Variants in NBEA observed in about 807,000 individuals in gnomAD.
NBEA encodes neurobeachin, also known as lysosomal-trafficking regulator 2.
NBEA carries 44 observed loss-of-function variants against 343.4 expected under a neutral mutation model. That is an observed-to-expected ratio of 0.13 (90% CI 0.10 to 0.16). NBEA has a LOEUF of 0.16. NBEA is among the 10% of genes least tolerant of loss of function. The pLI, the probability that NBEA is intolerant of heterozygous loss-of-function variation, is 1.00. For missense variants in NBEA, 2,555 were observed against 3,631.3 expected, an observed-to-expected ratio of 0.70 and a Z score of 7.62; for synonymous variants, 1,175 against 1,238.7, an observed-to-expected ratio of 0.95 and a Z score of 1.08.
At chr13:35,149,402 T>G (rs931536982) in intron 18 of NBEA, among the ~76,000 whole-genome samples, 1 of 152,184 alleles carries the variant, frequency 6.6e-6, no homozygotes, top group African/African-American at 2.4e-5. Flanking sequence ...TTTTTTTGCT[T>G]GTGAAAACAG....
At chr13:35,106,895 G>A (rs2065945589) in intron 11 of NBEA, among the ~76,000 whole-genome samples, 1 of 151,508 alleles carries the variant, frequency 6.6e-6, no homozygotes, top group Non-Finnish European at 1.5e-5. Context: ...ATAATGGTCA[G>A]CCTGATTTTA....
intron 41 of NBEA, among the ~76,000 whole-genome samples, chr13:35,531,813 C>T (rs1205695862): frequency 6.6e-6 from 1 of 152,234 alleles, no homozygotes; most frequent in African/African-American, 2.4e-5. Flanking sequence ...CTTCCCTACT[C>T]CAGACTGTCA....
Position 34,995,277 on chromosome 13 carries a change from AC to A in NBEA, c.295-45652del, listed in dbSNP as rs544560246. ...AGACCAGCCTGCCCAACATGGTGAAACCCCATCTGTATGAATAATACAAAAG... is the reference window on the plus strand; with the variant it reads ...AGACCAGCCTGCCCAACATGGTGAAACCCATCTGTATGAATAATACAAAAG... On this transcript the variant is annotated intron_variant, in intron 1 of 58. Transcript: ENST00000379939. Among the ~76,000 whole-genome samples the A allele has an allele frequency of 2.8e-4, 43 of 152,130 alleles. No individual in the cohort carries two copies. In the East Asian group the frequency reaches 7.9e-3, roughly 28 times the overall value.
At chr13:35,168,337 A>G (rs2070199786) in intron 24 of NBEA, among the ~76,000 whole-genome samples, 1 of 151,748 alleles carries the variant, frequency 6.6e-6, no homozygotes, top group East Asian at 1.9e-4. Context: ...TTAATGTAAT[A>G]AGAATCTTAA....
intron 35 of NBEA, among the ~76,000 whole-genome samples, chr13:35,301,230 G>A (rs562529491): frequency 2.0e-5 from 3 of 150,914 alleles, no homozygotes; most frequent in African/African-American, 4.9e-5. Context: ...ATGCAGGTTT[G>A]TTACATAGGT....
At chr13:35,371,605 A>T (rs553827352) in intron 38 of NBEA, among the ~76,000 whole-genome samples, 2 of 152,014 alleles carry the variant, frequency 1.3e-5, no homozygotes, top group East Asian at 3.9e-4. Flanking sequence ...GGATTTCATA[A>T]ATTTCTTTTT....
intron 1 of NBEA, among the ~76,000 whole-genome samples, chr13:34,974,479 A>G (rs2060100810): frequency 1.3e-5 from 2 of 152,224 alleles, no homozygotes; most frequent in African/African-American, 4.8e-5. Context: ...AAAGATGAAC[A>G]TTTAAAAGGC....
Position 35,628,162 on chromosome 13 carries a change from G to C in NBEA, c.7531G>C (p.Ala2511Pro). ...TGGCTATAAGCAGCGAGGACCAGAAGCAGTTCGTGCTCTGAATGTTTTTCA... is the reference window on the plus strand; with the variant it reads ...TGGCTATAAGCAGCGAGGACCAGAACCAGTTCGTGCTCTGAATGTTTTTCA... ...IFGYKQRGPE[A>P]VRALNVFHYL... Residue 2511 changes from alanine (A) to proline (P), a missense_variant, in exon 49 of 59, where the codon GCA becomes CCA. Ala to Pro is a conservative substitution (Grantham distance 27). Transcript: ENST00000379939. The C allele has an allele frequency of 6.2e-7, 1 of 1,613,312 alleles. No homozygotes were observed. The highest frequency in any genetic ancestry group is 8.5e-7 in the Non-Finnish European group (1 of 1,179,536).
chr13:35,338,099 G>A (rs2152854552), intron 36 of NBEA, among the ~76,000 whole-genome samples: 1 of 151,634 alleles, frequency 6.6e-6, no homozygotes. Flanking sequence ...ACAGGCTGAA[G>A]AAGGAAAAAA....
At chr13:35,183,879 A>C (rs941130861) in intron 29 of NBEA, 97 bp from the exon 30 acceptor site, 11 of 719,384 alleles carry the variant, frequency 1.5e-5, no homozygotes, top group Non-Finnish European at 2.6e-5. Flanking sequence ...TATTGTTTGC[A>C]TGTTGCAGTA....
At chr13:35,346,227 C>G (rs541890377) in intron 36 of NBEA, among the ~76,000 whole-genome samples, 98 of 152,156 alleles carry the variant, frequency 6.4e-4, no homozygotes, top group Admixed American at 2.6e-3. Flanking sequence ...TTCCTGCTGT[C>G]TCCTGTTAAT....
At chr13:35,540,016 T>C (rs2078747389) in intron 41 of NBEA, among the ~76,000 whole-genome samples, 1 of 150,824 alleles carries the variant, frequency 6.6e-6, no homozygotes, top group Admixed American at 6.6e-5. Context: ...GAAAAAAATA[T>C]TTTTAATTAA....
chr13:35,414,728 T>A (rs1292423560), intron 38 of NBEA, among the ~76,000 whole-genome samples: 1 of 152,202 alleles, frequency 6.6e-6, no homozygotes, highest in East Asian at 1.9e-4. Context: ...TGATTTATAA[T>A]CCTTTGGGAA....
chr13:35,007,279 TC>T (rs558742343), intron 1 of NBEA, among the ~76,000 whole-genome samples: 389 of 152,238 alleles, frequency 2.6e-3, no homozygotes, highest in African/African-American at 9.0e-3. Context: ...CATCCTTTTT[TC>T]CCCCCTCTGT....
intron 41 of NBEA, among the ~76,000 whole-genome samples, chr13:35,530,506 G>C (rs1044861479): frequency 2.6e-5 from 4 of 152,192 alleles, no homozygotes; most frequent in African/African-American, 9.6e-5. Context: ...CTTCTTGTTG[G>C]TTTAAACCAG....
chr13:35,432,168 T>C, intron 38 of NBEA, 101 bp from the exon 39 acceptor site: 1 of 990,308 alleles, frequency 1.0e-6, no homozygotes, highest in Admixed American at 3.3e-5. Context: ...TATCTTAATT[T>C]TTCAATGAGA....
At chr13:35,078,870 A>G (rs2064240353) in intron 10 of NBEA, among the ~76,000 whole-genome samples, 1 of 152,002 alleles carries the variant, frequency 6.6e-6, no homozygotes, top group Non-Finnish European at 1.5e-5. Flanking sequence ...AAAAATATAA[A>G]AATTAGTGGG....
intron 41 of NBEA, among the ~76,000 whole-genome samples, chr13:35,544,959 T>A (rs1014170350): frequency 6.6e-6 from 1 of 152,180 alleles, no homozygotes; most frequent in Non-Finnish European, 1.5e-5. Flanking sequence ...ACAAGCTAGA[T>A]GATATGGGAA....
At chr13:35,588,270 T>C (rs1195773041) in intron 46 of NBEA, among the ~76,000 whole-genome samples, 1 of 152,098 alleles carries the variant, frequency 6.6e-6, no homozygotes. Context: ...TGGTTATAAA[T>C]AAAAGTATCA....
Sources: gnomAD v4.1 joint callset for allele counts (sites outside exome capture counted in the v4.1 genomes callset) on GRCh38, gnomAD v4.1.1 for gene constraint, MANE v1.5 for transcripts, NCBI Gene and HGNC (gene_info 2026-07-23, HGNC 2026-07-21) for gene names.